The following LRRC7 variants were observed in gnomAD, a reference collection of about 807,000 sequenced individuals.
LRRC7 encodes the protein leucine rich repeat containing 7, also known as leucine-rich repeat-containing protein 7.
A neutral mutation model predicts 175.7 loss-of-function variants in LRRC7; 23 were observed. That is an observed-to-expected ratio of 0.13 (90% CI 0.09 to 0.19). The LOEUF is 0.19. Among genes scored for constraint, LRRC7 ranks in the 10% least tolerant of loss-of-function variants. The pLI, the probability that LRRC7 is intolerant of heterozygous loss-of-function variation, is 1.00. For missense variants in LRRC7, 1,354 were observed against 1,904.7 expected (o/e 0.71, Z 5.38); for synonymous variants, 685 against 680.9 (o/e 1.01, Z -0.09).
chr1:69,589,443 A>C (rs1646542748), intron 1 of LRRC7, among the ~76,000 whole-genome samples: 1 of 152,112 alleles, frequency 6.6e-6, no homozygotes, highest in Non-Finnish European at 1.5e-5. Flanking sequence ...TTCATGTCTC[A>C]CTAGGGTATG....
chr1:69,621,509 T>C (rs955263429), intron 1 of LRRC7, among the ~76,000 whole-genome samples: 3 of 152,204 alleles, frequency 2.0e-5, no homozygotes, highest in Non-Finnish European at 4.4e-5. Context: ...TTGACTCAGA[T>C]GCATATAGGA....
chr1:69,968,065 G>A (rs1465309033), intron 8 of LRRC7, among the ~76,000 whole-genome samples: 2 of 152,000 alleles, frequency 1.3e-5, no homozygotes, highest in African/African-American at 2.4e-5. Context: ...GATACAAGAA[G>A]TGAGGGGAGA....
intron 7 of LRRC7, among the ~76,000 whole-genome samples, chr1:69,912,117 C>T (rs543204704): frequency 1.3e-5 from 2 of 152,138 alleles, no homozygotes; most frequent in African/African-American, 2.4e-5. Flanking sequence ...TTTTTTATAT[C>T]CATGAAGGTC....
chr1:69,955,267 G>A (rs138046329), intron 8 of LRRC7, among the ~76,000 whole-genome samples: 2 of 152,184 alleles, frequency 1.3e-5, no homozygotes, highest in African/African-American at 4.8e-5. Flanking sequence ...TATTAATCAT[G>A]TGCACTCAGG....
Position 70,135,625 on chromosome 1 carries a change from C to A in LRRC7, c.*13738C>A, listed in dbSNP as rs1571405177. Among the ~76,000 whole-genome samples, 3 of 152,240 alleles carry A rather than the reference C, an allele frequency of 2.0e-5. No individual in the cohort carries two copies. In the East Asian group the frequency reaches 5.8e-4, roughly 29 times the overall value. Reference sequence around the variant, plus strand: ...ACCTCCCTGACAAATAAGTGAATATCCATCATATTCAAGACTTCACTTTTA... The same window carrying A: ...ACCTCCCTGACAAATAAGTGAATATACATCATATTCAAGACTTCACTTTTA... On this transcript the variant is annotated 3_prime_UTR_variant, in exon 27 of 27. Coordinates refer to ENST00000651989, the MANE Select transcript of LRRC7 (RefSeq NM_001370785.2).
At chr1:69,780,191 G>A (rs1327778120) in intron 3 of LRRC7, among the ~76,000 whole-genome samples, 1 of 152,180 alleles carries the variant, frequency 6.6e-6, no homozygotes, top group Non-Finnish European at 1.5e-5. Context: ...ATGTTAGTGT[G>A]GGAGAGTAAC....
rs59212223 is a variant in LRRC7, at chr1:69,600,800, CTT to C, written c.2+32186_2+32187del. Among the ~76,000 whole-genome samples the C allele has an allele frequency of 3.7e-3, 243 of 64,880 alleles. 33 individuals carry two copies. The highest frequency in any genetic ancestry group is 0.031 in the Middle Eastern group (3 of 96). 42.6% of individuals were successfully genotyped at this position (64,880 alleles called of 152,430 possible). A position where few individuals can be genotyped will look rare whatever the true frequency, so the allele number is the denominator to read the frequency against. On this transcript the variant is annotated intron_variant, in intron 1 of 26. Coordinates refer to ENST00000651989, the MANE Select transcript of LRRC7 (RefSeq NM_001370785.2). ...CCATTTCTCCAAGGATCTCTGGTTT[CTT>C]TTTTTTTTTTTTTTTTTTTTTTTTT...
chr1:69,693,778 A>G (rs1323454651), intron 2 of LRRC7, among the ~76,000 whole-genome samples: 3 of 152,170 alleles, frequency 2.0e-5, no homozygotes, highest in Non-Finnish European at 2.9e-5. Flanking sequence ...TGACAACTCT[A>G]TTTCAGGGGG....
chr1:70,050,708 A>G (rs1396952473), intron 22 of LRRC7, among the ~76,000 whole-genome samples: 1 of 151,988 alleles, frequency 6.6e-6, no homozygotes, highest in South Asian at 2.1e-4. Context: ...TAGAATTTTA[A>G]CTGCTGAGCT....
intron 11 of LRRC7, among the ~76,000 whole-genome samples, chr1:69,998,625 C>G (rs1204169587): frequency 6.6e-6 from 1 of 152,162 alleles, no homozygotes; most frequent in Admixed American, 6.6e-5. Flanking sequence ...CTGAATTCAA[C>G]TTCTTTTATC....
intron 1 of LRRC7, among the ~76,000 whole-genome samples, chr1:69,598,899 T>TA (rs1222262872): frequency 6.6e-6 from 1 of 152,232 alleles, no homozygotes; most frequent in African/African-American, 2.4e-5. Flanking sequence ...TTGAAGCTCT[T>TA]ACGTTCTTTA....
intron 7 of LRRC7, among the ~76,000 whole-genome samples, chr1:69,848,050 C>T (rs1030290663): frequency 6.6e-6 from 1 of 152,024 alleles, no homozygotes; most frequent in Non-Finnish European, 1.5e-5. Flanking sequence ...CTTTTTCTGT[C>T]TGAAAAACTC....
At chr1:69,683,169 T>C (rs999225062) in intron 2 of LRRC7, among the ~76,000 whole-genome samples, 4 of 152,174 alleles carry the variant, frequency 2.6e-5, no homozygotes, top group Admixed American at 6.6e-5. Context: ...ATCATCTAGA[T>C]TCAAAATTCA....
intron 8 of LRRC7, among the ~76,000 whole-genome samples, chr1:69,939,742 A>G (rs1648511878): frequency 6.6e-6 from 1 of 152,156 alleles, no homozygotes; most frequent in Non-Finnish European, 1.5e-5. Flanking sequence ...CAGAGTACCC[A>G]GCTCCCAACT....
intron 14 of LRRC7, among the ~76,000 whole-genome samples, chr1:70,017,281 A>AT (rs1657053062): frequency 6.6e-6 from 1 of 151,780 alleles, no homozygotes; most frequent in Non-Finnish European, 1.5e-5. Context: ...AAAAAAAAAA[A>AT]GGAATTTGCA....
At chr1:69,681,210 C>T (rs1204527781) in intron 2 of LRRC7, among the ~76,000 whole-genome samples, 1 of 152,056 alleles carries the variant, frequency 6.6e-6, no homozygotes, top group South Asian at 2.1e-4. Context: ...TGTGATTCTA[C>T]AGATTCAGTA....
chr1:70,109,528 A>G (rs1400356560), intron 26 of LRRC7, among the ~76,000 whole-genome samples: 3 of 152,254 alleles, frequency 2.0e-5, no homozygotes. Flanking sequence ...GAAACAATAA[A>G]AACCACACAT....
chr1:69,712,892 T>A (rs1247932886), intron 2 of LRRC7, among the ~76,000 whole-genome samples: 2 of 152,120 alleles, frequency 1.3e-5, no homozygotes, highest in East Asian at 3.9e-4. Flanking sequence ...AAAAAGCAAG[T>A]CTATGCATAC....
chr1:69,949,115 G>T (rs1245473225), intron 8 of LRRC7, among the ~76,000 whole-genome samples: 3 of 150,300 alleles, frequency 2.0e-5, no homozygotes, highest in Non-Finnish European at 3.0e-5. Flanking sequence ...TTGCTCTTTA[G>T]TTACAAAAGT....
Sources: allele counts gnomAD v4.1 joint callset (sites outside exome capture counted in the v4.1 genomes callset), GRCh38; gene constraint gnomAD v4.1.1; transcripts MANE v1.5; gene names NCBI Gene and HGNC (gene_info 2026-07-23, HGNC 2026-07-21).